Variants in FGF9 observed in about 807,000 individuals in gnomAD.
FGF9 encodes the protein fibroblast growth factor 9 (glia-activating factor).
In FGF9, 3 loss-of-function variants were observed where a neutral mutation model predicts 19.9. The ratio of observed to expected loss-of-function variants is 0.15; its 90% CI spans 0.07 to 0.39. The LOEUF is 0.39. FGF9 is among the 10% of genes least tolerant of loss of function. The probability of loss-of-function intolerance (pLI) is 1.00; values close to 1 mark genes in which losing one functional copy is unlikely to be tolerated. For missense variants in FGF9, 175 were observed against 256.8 expected (o/e 0.68, Z 2.18); for synonymous variants, 107 against 106.9 (o/e 1.00, Z -0.01).
chr13:21,684,004 G>A (rs1211369430), intron 2 of FGF9, among the ~76,000 whole-genome samples: 3 of 152,316 alleles, frequency 2.0e-5, no homozygotes, highest in Admixed American at 6.5e-5. Flanking sequence ...ACTCGAGTCT[G>A]TCTATTTGCT....
intron 2 of FGF9, among the ~76,000 whole-genome samples, chr13:21,695,806 G>A (rs1872397177): frequency 6.6e-6 from 1 of 152,162 alleles, no homozygotes. Context: ...AAATGTTTGG[G>A]ACCTCTACAG....
chr13:21,702,257 G>A lies in FGF9; in HGVS notation c.*822G>A, dbSNP rs1323966511. 2.0e-5 allele frequency: 3 copies of A among 152,122 alleles called. No homozygotes were observed. The highest frequency in any genetic ancestry group is 6.5e-5 in the Admixed American group (1 of 15,268). 9.4% of individuals were successfully genotyped at this position (152,122 alleles called of 1,614,324 possible). ...CTAATGACCCTAATGTACTAAAGGC[G>A]ACAATCTCTTTTGTGCCCATATTAT... On this transcript the variant is annotated 3_prime_UTR_variant, in exon 3 of 3. Transcript: ENST00000382353.
chr13:21,701,264 A>G lies in FGF9; in HGVS notation c.456A>G (p.Leu152=). The G allele has an allele frequency of 1.9e-6, 3 of 1,613,774 alleles. No individual in the cohort carries two copies. The highest frequency in any genetic ancestry group is 2.2e-5 in the East Asian group (1 of 44,886). The change falls in exon 3 of 3, where the codon CTA becomes CTG. Residue 152 remains leucine (L), a synonymous_variant. Transcript: ENST00000382353. ...ENWYNTYSSN[L]YKHVDTGRRY... is the part of the protein sequence containing the mutation. Reference sequence around the variant, plus strand: ...GGTATAATACGTACTCATCAAACCTATATAAGCACGTGGACACTGGAAGGC... The same window carrying G: ...GGTATAATACGTACTCATCAAACCTGTATAAGCACGTGGACACTGGAAGGC...
chr13:21,680,974 G>T (rs1872029941), intron 1 of FGF9, 68 bp from the exon 2 acceptor site: 1 of 1,205,492 alleles, frequency 8.3e-7, no homozygotes, highest in Non-Finnish European at 1.2e-6. Context: ...AAACCCCAGG[G>T]ATGCTGGGAC....
intron 2 of FGF9, among the ~76,000 whole-genome samples, chr13:21,684,483 TG>T (rs1436858389): frequency 6.6e-6 from 1 of 152,212 alleles, no homozygotes; most frequent in African/African-American, 2.4e-5. Context: ...CTCGCTTGTA[TG>T]GCTGCTGTGT....
intron 2 of FGF9, among the ~76,000 whole-genome samples, chr13:21,692,176 A>G (rs980288266): frequency 2.6e-5 from 4 of 152,280 alleles, no homozygotes; most frequent in African/African-American, 9.6e-5. Flanking sequence ...TTTAGCTGCC[A>G]TGTTGCATTG....
intron 1 of FGF9, 63 bp from the exon 2 acceptor site, chr13:21,680,979 T>C: frequency 7.8e-7 from 1 of 1,275,718 alleles, no homozygotes; most frequent in Non-Finnish European, 1.1e-6. Context: ...CCAGGGATGC[T>C]GGGACTCTAA....
In FGF9 at chr13:21,672,131, C is replaced by T. The variant is rs1016708024; in HGVS notation, c.219C>T (p.His73=). Reference sequence around the variant, plus strand: ...AGCTATACTGCAGGACTGGATTTCACTTAGAAATCTTCCCCAATGGTACTA... The same window carrying T: ...AGCTATACTGCAGGACTGGATTTCATTTAGAAATCTTCCCCAATGGTACTA... ...RRQLYCRTGF[H]LEIFPNGTIQ... Residue 73 remains histidine (H), a synonymous_variant, in exon 1 of 3, where the codon CAC becomes CAT. Transcript: ENST00000382353. This position sits in a 1 kb window ranked among gnomAD's most constrained non-coding sequence, Gnocchi z 4.2. The T allele has an allele frequency of 3.1e-6, 5 of 1,614,202 alleles. No homozygotes were observed. Among genetic ancestry groups the T allele is most frequent in the Non-Finnish European group, 4.2e-6 (5 of 1,180,030 alleles).
chr13:21,677,029 TG>T (rs1424635832), intron 1 of FGF9, among the ~76,000 whole-genome samples: 1 of 152,202 alleles, frequency 6.6e-6, no homozygotes, highest in Non-Finnish European at 1.5e-5. Flanking sequence ...TGGTCTCTCA[TG>T]GACCATGGAT....
chr13:21,699,157 G>C (rs966543232), intron 2 of FGF9, among the ~76,000 whole-genome samples: 1 of 152,214 alleles, frequency 6.6e-6, no homozygotes. Flanking sequence ...CCCACATGCA[G>C]AGGAGGGTGC....
intron 2 of FGF9, among the ~76,000 whole-genome samples, chr13:21,692,199 T>C (rs758266548): frequency 1.3e-5 from 2 of 152,218 alleles, no homozygotes; most frequent in Non-Finnish European, 2.9e-5. Flanking sequence ...TGTTCACACA[T>C]AATCAGCTGT....
chr13:21,694,290 G>A (rs1055037830), intron 2 of FGF9, among the ~76,000 whole-genome samples: 7 of 151,686 alleles, frequency 4.6e-5, no homozygotes, highest in South Asian at 2.1e-4. Context: ...TTAATCTTTC[G>A]TTTTCTGTCC....
At chr13:21,681,362 A>G (rs1872039126) in intron 2 of FGF9, 2 of 435,602 alleles carry the variant, frequency 4.6e-6, no homozygotes, top group Admixed American at 3.5e-5. Flanking sequence ...CTTTATTTAT[A>G]TGCCAAACCA....
At chr13:21,690,251 C>G (rs1872255778) in intron 2 of FGF9, among the ~76,000 whole-genome samples, 1 of 152,178 alleles carries the variant, frequency 6.6e-6, no homozygotes, top group South Asian at 2.1e-4. Context: ...CACATTAACT[C>G]TTCTGTTCAC....
rs755145170 is a variant in FGF9 at position 21,691,227 on chromosome 13, A to G, written c.382-9963A>G. On this transcript the variant is annotated intron_variant, in intron 2 of 2. Transcript: ENST00000382353. This position sits in a 1 kb window ranked among gnomAD's most constrained non-coding sequence, Gnocchi z 4.2. ...AGAGCTGATTCAGGAAGAACTTGCA[A>G]CTTCATTGAGGGAGTCAGACATGTA... 1.3e-5 allele frequency among the ~76,000 whole-genome samples: 2 copies of G among 152,250 alleles called. No individual in the cohort carries two copies. The highest frequency in any genetic ancestry group is 2.4e-5 in the African/African-American group (1 of 41,468).
intron 2 of FGF9, among the ~76,000 whole-genome samples, chr13:21,700,117 C>T (rs1357930467): frequency 6.6e-6 from 1 of 151,920 alleles, no homozygotes; most frequent in Non-Finnish European, 1.5e-5. Context: ...TTCAACTGAA[C>T]CCCAGCTTTC....
At position 21,703,670 on chromosome 13, in the gene FGF9, C is replaced by A. The variant is rs1872593860; in HGVS notation, c.*2235C>A. The A allele has an allele frequency of 6.6e-6, 1 of 151,666 alleles. No homozygotes were observed. Among genetic ancestry groups the A allele is most frequent in the Admixed American group, 6.6e-5 (1 of 15,224 alleles). 9.4% of individuals were successfully genotyped at this position (151,666 alleles called of 1,614,324 possible). A position where few individuals can be genotyped will look rare whatever the true frequency, so the allele number is the denominator to read the frequency against. On this transcript the variant is annotated 3_prime_UTR_variant, in exon 3 of 3. Transcript: ENST00000382353. ...TGGCTGAAAAATATTAAACATTTGACCACAGGGAAGAATCAAGTTTCTAGG... is the reference window on the plus strand; with the variant it reads ...TGGCTGAAAAATATTAAACATTTGAACACAGGGAAGAATCAAGTTTCTAGG...
chr13:21,672,324 C>G lies in FGF9; in HGVS notation c.277+135C>G. ...CCTCTTTCTCTGTATCTCTGTCTCT[C>G]TCTCTCTCTGTCTTGCCAGCTCCGA... On this transcript the variant is annotated intron_variant, in intron 1 of 2. Coordinates refer to ENST00000382353, the MANE Select transcript of FGF9 (RefSeq NM_002010.3). This position sits in a 1 kb window ranked among gnomAD's most constrained non-coding sequence, Gnocchi z 4.2. 1 of 986,728 alleles carries G rather than the reference C, an allele frequency of 1.0e-6. No individual in the cohort carries two copies. Among genetic ancestry groups the G allele is most frequent in the Admixed American group, 1.9e-5 (1 of 52,654 alleles). 61.1% of individuals were successfully genotyped at this position (986,728 alleles called of 1,614,324 possible).
chr13:21,700,011 A>T (rs1872502442), intron 2 of FGF9, among the ~76,000 whole-genome samples: 1 of 115,512 alleles, frequency 8.7e-6, no homozygotes, highest in African/African-American at 3.3e-5. Flanking sequence ...CAGCTTTGGG[A>T]TGTGGTGTGT....
Sources: gnomAD v4.1 joint callset for allele counts (sites outside exome capture counted in the v4.1 genomes callset) on GRCh38, gnomAD v4.1.1 for gene constraint, Gnocchi (gnomAD v3.1) non-coding constraint, MANE v1.5 for transcripts, NCBI Gene and HGNC (gene_info 2026-07-23, HGNC 2026-07-21) for gene names.